Variants in CDH22 observed in about 807,000 individuals in gnomAD.
CDH22 encodes the protein cadherin 22, also known as cadherin-22.
CDH22 carries 30 observed loss-of-function variants against 58.4 expected under a neutral mutation model. The ratio of observed to expected loss-of-function variants is 0.51; its 90% CI spans 0.38 to 0.70. The LOEUF (loss-of-function observed/expected upper bound fraction) is 0.70. Among genes scored for constraint, CDH22 ranks in the 30% least tolerant of loss-of-function variants. The pLI is 0.00. For missense variants in CDH22, 1,014 were observed against 1,233.9 expected (o/e 0.82, Z 2.67); for synonymous variants, 513 against 558.2 (o/e 0.92, Z 1.14).
At chr20:46,249,503 G>A (rs532757904) in intron 2 of CDH22, among the ~76,000 whole-genome samples, 2 of 152,290 alleles carry the variant, frequency 1.3e-5, no homozygotes, top group African/African-American at 4.8e-5. Flanking sequence ...AGGTATTACT[G>A]TGTCTAGACC....
chr20:46,202,774 A>G (rs1013216786), intron 7 of CDH22, among the ~76,000 whole-genome samples: 1 of 152,148 alleles, frequency 6.6e-6, no homozygotes, highest in Non-Finnish European at 1.5e-5. Context: ...CTGAGTCCAA[A>G]GGAGGTTGAA....
intron 1 of CDH22, among the ~76,000 whole-genome samples, chr20:46,266,911 CT>C (rs3091411): frequency 0.4 from 56,315 of 140,594 alleles, 10,999 homozygotes; most frequent in Middle Eastern, 0.59. Flanking sequence ...CTATAGGGTG[CT>C]TTTTTTTTTT....
At position 46,251,259 on chromosome 20, in the gene CDH22, C is replaced by T. The variant is rs1188634331; in HGVS notation, c.36G>A (p.Ala12=). The change falls in exon 2 of 12, where the codon GCG becomes GCA. Residue 12 remains alanine, a synonymous_variant. Transcript: ENST00000537909. This position sits in a 1 kb window ranked among gnomAD's most constrained non-coding sequence, Gnocchi z 6.7. ...GTAGCGCGGGGGACAGCGCGACTCCCGCCCGGAGCCCCCTACCTTCGGGCC... is the reference window on the plus strand; with the variant it reads ...GTAGCGCGGGGGACAGCGCGACTCCTGCCCGGAGCCCCCTACCTTCGGGCC... ...RPRPEGRGLR[A]GVALSPALLL... is the part of the protein sequence containing the mutation. The T allele has an allele frequency of 2.0e-6, 3 of 1,464,888 alleles. No individual in the cohort carries two copies. Among genetic ancestry groups the T allele is most frequent in the African/African-American group, 1.5e-5 (1 of 67,180 alleles). The allele number at this position is 1,464,888 out of a possible 1,614,324, so 90.7% of individuals were successfully genotyped here.
At position 46,269,410 on chromosome 20, in the gene CDH22, T is replaced by C. The variant is rs569507849; in HGVS notation, c.-399-17717A>G. Reference sequence around the variant, plus strand: ...CCCAAATCTTCCGCCAATAAAATAATAAATAGTACTGAGCATAGCTAACTT... The same window carrying C: ...CCCAAATCTTCCGCCAATAAAATAACAAATAGTACTGAGCATAGCTAACTT... On this transcript the variant is annotated intron_variant, in intron 1 of 11. Transcript: ENST00000537909. Among the ~76,000 whole-genome samples the C allele has an allele frequency of 1.2e-4, 19 of 152,342 alleles. No homozygotes were observed. The South Asian group carries it at 3.3e-3, about 27-fold the overall frequency.
intron 7 of CDH22, 150 bp from the exon 8 acceptor site, chr20:46,199,709 G>A: frequency 1.1e-6 from 1 of 943,620 alleles, no homozygotes; most frequent in South Asian, 1.7e-5. Flanking sequence ...GGAGGAGCGG[G>A]AAGCAACTGG....
Position 46,186,979 on chromosome 20 carries a change from G to A in CDH22, c.1424-32C>T, listed in dbSNP as rs576032880. On this transcript the variant is annotated intron_variant, in intron 8 of 11. Coordinates refer to ENST00000537909, the MANE Select transcript of CDH22 (RefSeq NM_021248.3). Reference sequence around the variant, plus strand: ...TGAGAGCACAGGAGCAAGGGGAGAGGCATCAAGTGGGAGATCTAGATAGCC... The same window carrying A: ...TGAGAGCACAGGAGCAAGGGGAGAGACATCAAGTGGGAGATCTAGATAGCC... 52 of 1,537,708 alleles carry A rather than the reference G, an allele frequency of 3.4e-5. No homozygotes were observed. In the South Asian group the frequency reaches 6.0e-4, roughly 18 times the overall value.
At chr20:46,226,874 C>T (rs983038851) in intron 4 of CDH22, among the ~76,000 whole-genome samples, 8 of 152,170 alleles carry the variant, frequency 5.3e-5, no homozygotes, top group South Asian at 2.1e-4. Context: ...CTGTCCTCCT[C>T]GCACTCCCCC....
intron 1 of CDH22, among the ~76,000 whole-genome samples, chr20:46,254,131 C>CAG (rs1450975329): frequency 6.6e-6 from 1 of 152,218 alleles, no homozygotes; most frequent in East Asian, 1.9e-4. Flanking sequence ...AAGATGCAAT[C>CAG]AGTTATTCAG....
intron 7 of CDH22, among the ~76,000 whole-genome samples, chr20:46,203,114 T>C (rs2085973997): frequency 6.6e-6 from 1 of 151,892 alleles, no homozygotes; most frequent in South Asian, 2.1e-4. Context: ...GGAATCTAAA[T>C]GGAGGCAGCT....
At position 46,204,744 on chromosome 20, in the gene CDH22, T is replaced by TGCTA. The variant is rs573624455; in HGVS notation, c.1287-5189_1287-5186dup. On this transcript the variant is annotated intron_variant, in intron 7 of 11. Coordinates refer to ENST00000537909, the MANE Select transcript of CDH22 (RefSeq NM_021248.3). Reference sequence around the variant, plus strand: ...TCTTAAGGAGCCAGCCAGGTACACCTGCTAGCATTTCTGTGTTAGCAACAG... The same window carrying TGCTA: ...TCTTAAGGAGCCAGCCAGGTACACCTGCTAGCTAGCATTTCTGTGTTAGCAACAG... 1.8e-4 allele frequency among the ~76,000 whole-genome samples: 28 copies of TGCTA among 152,290 alleles called. No individual in the cohort carries two copies. In the South Asian group the frequency reaches 3.1e-3, roughly 17 times the overall value.
At chr20:46,228,560 G>A (rs2086197159) in intron 3 of CDH22, among the ~76,000 whole-genome samples, 1 of 152,042 alleles carries the variant, frequency 6.6e-6, no homozygotes, top group African/African-American at 2.4e-5. Flanking sequence ...GGTGGGGGTG[G>A]GGGTAAGGGT....
intron 3 of CDH22, among the ~76,000 whole-genome samples, chr20:46,234,813 G>A (rs1600709601): frequency 6.6e-6 from 1 of 152,238 alleles, no homozygotes. Flanking sequence ...GTTAGCACAA[G>A]AGACGAAACT....
Position 46,251,362 on chromosome 20 carries a change from G to A in CDH22, c.-68C>T, listed in dbSNP as rs144686030. 0.01 allele frequency: 14,246 copies of A among 1,388,092 alleles called. 207 individuals carry two copies. Among genetic ancestry groups the A allele is most frequent in the South Asian group, 0.051 (3,208 of 63,118 alleles). The allele number at this position is 1,388,092 out of a possible 1,614,324, so 86.0% of individuals were successfully genotyped here. On this transcript the variant is annotated 5_prime_UTR_variant, in exon 2 of 12. Transcript: ENST00000537909. This position sits in a 1 kb window ranked among gnomAD's most constrained non-coding sequence, Gnocchi z 6.7. ...GGCACCAGGGCGCCGCTGCTTGGTC[G>A]CACAACGATGCGGCGCCGTGTCACA...
chr20:46,183,013 C>G (rs550288667), intron 10 of CDH22, among the ~76,000 whole-genome samples: 1 of 149,624 alleles, frequency 6.7e-6, no homozygotes, highest in African/African-American at 2.4e-5. Context: ...CTCTGGTGCC[C>G]CCCCCTCTCC....
chr20:46,181,752 C>CTTCGTTCGTTCCTTCT, intron 10 of CDH22, among the ~76,000 whole-genome samples: 1 of 26,272 alleles, frequency 3.8e-5, no homozygotes, highest in Non-Finnish European at 8.3e-5. Context: ...TCCTTCCTTC[C>CTTCGTTCGTTCCTTCT]TTCTTTCTTT....
At chr20:46,185,634 G>A (rs1318226009) in intron 10 of CDH22, among the ~76,000 whole-genome samples, 4 of 152,076 alleles carry the variant, frequency 2.6e-5, no homozygotes, top group Non-Finnish European at 5.9e-5. Flanking sequence ...TTGGGAGGCC[G>A]AGGTAGGAGG....
chr20:46,186,978 G>T, intron 8 of CDH22, 31 bp from the exon 9 acceptor site: 1 of 1,538,180 alleles, frequency 6.5e-7, no homozygotes, highest in Non-Finnish European at 8.8e-7. Context: ...CAAGGGGAGA[G>T]GCATCAAGTG....
chr20:46,242,012 C>T (rs182036569), intron 2 of CDH22, among the ~76,000 whole-genome samples: 1 of 152,262 alleles, frequency 6.6e-6, no homozygotes, highest in Non-Finnish European at 1.5e-5. Context: ...GTGGCATCTT[C>T]CTCATTTTGG....
intron 1 of CDH22, among the ~76,000 whole-genome samples, chr20:46,254,231 GT>G (rs2086395347): frequency 6.6e-6 from 1 of 152,150 alleles, no homozygotes; most frequent in Admixed American, 6.5e-5. Flanking sequence ...GCCAGTCCAT[GT>G]GCTGGGCACT....
Sources: gnomAD v4.1 joint callset for allele counts (sites outside exome capture counted in the v4.1 genomes callset) on GRCh38, gnomAD v4.1.1 for gene constraint, Gnocchi (gnomAD v3.1) non-coding constraint, MANE v1.5 for transcripts, NCBI Gene and HGNC (gene_info 2026-07-23, HGNC 2026-07-21) for gene names.